Variants in NR3C1 observed in about 807,000 individuals in gnomAD.
The protein encoded by NR3C1 is nuclear receptor subfamily 3 group C member 1.
Under a neutral mutation model 74.0 loss-of-function variants are expected in NR3C1, and 14 were observed. The ratio of observed to expected loss-of-function variants is 0.19; its 90% CI spans 0.12 to 0.30. The LOEUF (loss-of-function observed/expected upper bound fraction) is 0.30. Among genes scored for constraint, NR3C1 ranks in the 10% least tolerant of loss-of-function variants. The pLI, the probability that NR3C1 is intolerant of heterozygous loss-of-function variation, is 1.00. For synonymous variants in NR3C1, 308 were observed against 332.5 expected (o/e 0.93, Z 0.80); for missense variants, 695 against 909.8 (o/e 0.76, Z 3.04).
At chr5:143,371,236 C>T (rs1834176391) in intron 2 of NR3C1, among the ~76,000 whole-genome samples, 1 of 151,972 alleles carries the variant, frequency 6.6e-6, no homozygotes, top group African/African-American at 2.4e-5. Context: ...CCATAATTAC[C>T]AAAATAAAAC....
chr5:143,335,133 A>G (rs563009604), intron 2 of NR3C1, among the ~76,000 whole-genome samples: 44 of 152,164 alleles, frequency 2.9e-4, no homozygotes, highest in Non-Finnish European at 6.0e-4. Context: ...AGGCAATTTG[A>G]TTCTCTCCCT....
At chr5:143,396,960 T>C (rs1839319550) in intron 2 of NR3C1, among the ~76,000 whole-genome samples, 1 of 151,872 alleles carries the variant, frequency 6.6e-6, no homozygotes. Flanking sequence ...TCAGTATTTT[T>C]AAAAGCATAT....
At chr5:143,401,494 T>G (rs987108848) in intron 1 of NR3C1, 13 of 155,018 alleles carry the variant, frequency 8.4e-5, no homozygotes, top group African/African-American at 2.9e-4. Context: ...TAACCCATAC[T>G]TCTGACTGGA....
chr5:143,366,129 G>A (rs879561706), intron 2 of NR3C1, among the ~76,000 whole-genome samples: 3 of 152,050 alleles, frequency 2.0e-5, no homozygotes, highest in Non-Finnish European at 4.4e-5. Context: ...TAAGTCCAAA[G>A]CAAGCATAAG....
At chr5:143,295,998 AGTCC>A (rs1817082210) in intron 6 of NR3C1, among the ~76,000 whole-genome samples, 1 of 152,222 alleles carries the variant, frequency 6.6e-6, no homozygotes, top group African/African-American at 2.4e-5. Flanking sequence ...TTTTCACAGC[AGTCC>A]ATCCTAAAGA....
At chr5:143,284,270 C>T (rs1436570321) in intron 7 of NR3C1, among the ~76,000 whole-genome samples, 3 of 152,054 alleles carry the variant, frequency 2.0e-5, no homozygotes, top group African/African-American at 7.2e-5. Context: ...TCTTACTTGC[C>T]ATGTGGACTT....
At chr5:143,410,175 TTCCTTTCTTGATTTAATC>T (rs1299847250) in intron 1 of NR3C1, among the ~76,000 whole-genome samples, 1 of 152,232 alleles carries the variant, frequency 6.6e-6, no homozygotes, top group Non-Finnish European at 1.5e-5. Context: ...ATTAGCTTTC[TTCCTTTCTTGATTTAATC>T]TCCTTTTCTC....
At position 143,429,489 on chromosome 5, in the gene NR3C1, A is replaced by T. The variant is rs994484142; in HGVS notation, c.-14+5043T>A. On this transcript the variant is annotated intron_variant, in intron 1 of 8. Transcript: ENST00000343796. ...TATGTAGCCATTTTTCAGGCAAAAG[A>T]ATATTAGGAACTTGGTCTTTGGATT... 3.3e-5 allele frequency among the ~76,000 whole-genome samples: 5 copies of T among 152,328 alleles called. No individual in the cohort carries two copies. The East Asian group carries it at 9.7e-4, about 29-fold the overall frequency.
intron 2 of NR3C1, chr5:143,333,237 T>C: frequency 1.4e-6 from 2 of 1,388,154 alleles, no homozygotes; most frequent in Non-Finnish European, 2.0e-6. Context: ...TCAGCTGAAC[T>C]AGACCCAGGT....
At chr5:143,407,547 G>A (rs559706963), upstream of NR3C1, 1 of 152,364 alleles carries the variant, frequency 6.6e-6, no homozygotes, top group African/African-American at 2.4e-5. Context: ...GGCAGGGACT[G>A]TGTCTGTTTG....
chr5:143,403,315 T>C lies in NR3C1; in HGVS notation c.-118A>G. 3 of 985,330 alleles carry C rather than the reference T, an allele frequency of 3.0e-6. No homozygotes were observed. The allele number at this position is 985,330 out of a possible 1,614,324, so 61.0% of individuals were successfully genotyped here. A position where few individuals can be genotyped will look rare whatever the true frequency, so the allele number is the denominator to read the frequency against. ...AGAAGGAGCAGGAGGGAAATATATT[T>C]TTTTTTTCTAAAAAAAGGAAGTAAA... is the stretch of plus-strand genomic sequence containing the variant. On this transcript the variant is annotated 5_prime_UTR_variant, in exon 1 of 9. Transcript: ENST00000394464.
intron 2 of NR3C1, among the ~76,000 whole-genome samples, chr5:143,381,582 G>C (rs910870611): frequency 2.6e-5 from 4 of 152,014 alleles, no homozygotes; most frequent in African/African-American, 7.2e-5. Context: ...CATAGTTCTA[G>C]CATAAAAACA....
chr5:143,374,525 T>C (rs1834819137), intron 2 of NR3C1, among the ~76,000 whole-genome samples: 1 of 151,108 alleles, frequency 6.6e-6, no homozygotes, highest in South Asian at 2.1e-4. Flanking sequence ...AAAAAAGACA[T>C]GATCAGGTGG....
chr5:143,349,236 T>C (rs777739160), intron 2 of NR3C1, among the ~76,000 whole-genome samples: 9 of 152,172 alleles, frequency 5.9e-5, no homozygotes, highest in Non-Finnish European at 1.2e-4. Context: ...CAACACTATC[T>C]GATGATGGCT....
chr5:143,390,356 T>C (rs796998307), intron 2 of NR3C1, among the ~76,000 whole-genome samples: 2 of 152,346 alleles, frequency 1.3e-5, no homozygotes, highest in East Asian at 1.9e-4. Context: ...GCTATACTGA[T>C]AATCAGATAC....
chr5:143,305,606 A>G (rs1423647149), intron 4 of NR3C1, among the ~76,000 whole-genome samples: 1 of 152,202 alleles, frequency 6.6e-6, no homozygotes, highest in East Asian at 1.9e-4. Flanking sequence ...ACATGGATGT[A>G]GCAGGCGGCC....
rs753633852 is a variant in NR3C1 at position 143,400,874 on chromosome 5, C to T, written c.-13-22G>A. 3.2e-6 allele frequency: 5 copies of T among 1,565,784 alleles called. No individual in the cohort carries two copies. In the East Asian group the frequency reaches 6.7e-5, roughly 21 times the overall value. ...TCAACTACAAAACAAAAAACAAAAA[C>T]GGGGGGAAAACATCATAAGCTCTAA... On this transcript the variant is annotated intron_variant, in intron 1 of 8. Coordinates refer to ENST00000394464, the MANE Select transcript of NR3C1 (RefSeq NM_000176.3).
intron 2 of NR3C1, among the ~76,000 whole-genome samples, chr5:143,354,263 CAT>C (rs1294266486): frequency 1.3e-5 from 2 of 152,248 alleles, no homozygotes; most frequent in African/African-American, 4.8e-5. Context: ...TGATCATTCA[CAT>C]GTTTGCTGGA....
chr5:143,386,650 G>A (rs1322094040), intron 2 of NR3C1, among the ~76,000 whole-genome samples: 1 of 152,170 alleles, frequency 6.6e-6, no homozygotes, highest in Non-Finnish European at 1.5e-5. Flanking sequence ...AATAGGAAAG[G>A]AGACGTGATG....
Sources: gnomAD v4.1 joint callset for allele counts (sites outside exome capture counted in the v4.1 genomes callset) on GRCh38, gnomAD v4.1.1 for gene constraint, MANE v1.5 for transcripts, NCBI Gene and HGNC (gene_info 2026-07-23, HGNC 2026-07-21) for gene names.